HS3ST5: variants seen among roughly 807,000 people sequenced by gnomAD.
The protein encoded by HS3ST5 is heparan sulfate glucosamine 3-O-sulfotransferase 5.
HS3ST5 carries 10 observed loss-of-function variants against 25.4 expected under a neutral mutation model. The observed-to-expected ratio is 0.39, with a 90% confidence interval of 0.24 to 0.67. The LOEUF is 0.67. Among genes scored for constraint, HS3ST5 ranks in the 30% least tolerant of loss-of-function variants. HS3ST5 has a pLI of 0.44. For missense variants in HS3ST5, 324 were observed against 420.7 expected, an observed-to-expected ratio of 0.77 and a Z score of 2.01; for synonymous variants, 170 against 162.4, an observed-to-expected ratio of 1.05 and a Z score of -0.36.
chr6:114,236,199 G>A, intron 1 of HS3ST5, among the ~76,000 whole-genome samples: 1 of 152,088 alleles, frequency 6.6e-6, no homozygotes, highest in Non-Finnish European at 1.5e-5. Context: ...TTCTAAAAAA[G>A]TGCTCATTAA....
At chr6:114,328,288 G>C (rs1326030020) in intron 1 of HS3ST5, among the ~76,000 whole-genome samples, 2 of 152,020 alleles carry the variant, frequency 1.3e-5, no homozygotes, top group Non-Finnish European at 2.9e-5. Context: ...GGTAGCGATA[G>C]TGTCTTTAAT....
chr6:114,244,297 T>A (rs1772281042), intron 1 of HS3ST5, among the ~76,000 whole-genome samples: 1 of 152,156 alleles, frequency 6.6e-6, no homozygotes, highest in Admixed American at 6.5e-5. Context: ...TACAAATAAA[T>A]TTAATATGGA....
chr6:114,069,343 A>C (rs536576940), intron 3 of HS3ST5, among the ~76,000 whole-genome samples: 90 of 151,712 alleles, frequency 5.9e-4, no homozygotes, highest in Non-Finnish European at 9.4e-4. Context: ...CTGTAATATT[A>C]TCTTTTTTTT....
At chr6:114,164,261 CAAA>C (rs967051623) in intron 3 of HS3ST5, among the ~76,000 whole-genome samples, 3 of 152,124 alleles carry the variant, frequency 2.0e-5, no homozygotes, top group Admixed American at 2.0e-4. Context: ...TTACAGTTTA[CAAA>C]ATACCTTTGA....
chr6:114,341,222 G>GAGAGAGAGAGAGA (rs1776838943), intron 1 of HS3ST5, among the ~76,000 whole-genome samples: 23 of 46,634 alleles, frequency 4.9e-4, no homozygotes, highest in African/African-American at 2.7e-3. Context: ...GGAGAGAGGG[G>GAGAGAGAGAGAGA]GAGAGAGAGA....
chr6:114,117,576 C>T (rs1460689264), intron 3 of HS3ST5, among the ~76,000 whole-genome samples: 1 of 152,082 alleles, frequency 6.6e-6, no homozygotes, highest in Non-Finnish European at 1.5e-5. Context: ...TTACTCTAAC[C>T]CTAAACCCAA....
At chr6:114,068,012 T>C (rs1383390874) in intron 3 of HS3ST5, among the ~76,000 whole-genome samples, 1 of 152,190 alleles carries the variant, frequency 6.6e-6, no homozygotes, top group African/African-American at 2.4e-5. Flanking sequence ...CATTTGTGCA[T>C]TGTGCAAAAA....
intron 3 of HS3ST5, among the ~76,000 whole-genome samples, chr6:114,153,349 G>T (rs1274082588): frequency 6.6e-6 from 1 of 152,148 alleles, no homozygotes; most frequent in Non-Finnish European, 1.5e-5. Flanking sequence ...ATAGGTATAG[G>T]TGGAAATATT....
chr6:114,101,332 A>G (rs1775717638), intron 3 of HS3ST5, among the ~76,000 whole-genome samples: 1 of 152,176 alleles, frequency 6.6e-6, no homozygotes, highest in South Asian at 2.1e-4. Context: ...TTCCTATATG[A>G]TATTGCATTA....
intron 3 of HS3ST5, among the ~76,000 whole-genome samples, chr6:114,153,048 C>T (rs1437044841): frequency 6.6e-6 from 1 of 152,176 alleles, no homozygotes; most frequent in Non-Finnish European, 1.5e-5. Flanking sequence ...GATCCCCACC[C>T]AATGGTTGAG....
At chr6:114,297,360 A>C (rs182802430) in intron 1 of HS3ST5, among the ~76,000 whole-genome samples, 56 of 152,260 alleles carry the variant, frequency 3.7e-4, no homozygotes, top group Non-Finnish European at 6.6e-4. Flanking sequence ...GCCATTTCGG[A>C]TACGCAGGGA....
At chr6:114,300,621 T>C (rs1311915017) in intron 1 of HS3ST5, among the ~76,000 whole-genome samples, 1 of 152,030 alleles carries the variant, frequency 6.6e-6, no homozygotes, top group Admixed American at 6.6e-5. Flanking sequence ...AAACATAGGG[T>C]TGCCATATGA....
At chr6:114,104,902 A>G (rs891303519) in intron 3 of HS3ST5, among the ~76,000 whole-genome samples, 1 of 152,184 alleles carries the variant, frequency 6.6e-6, no homozygotes, top group Non-Finnish European at 1.5e-5. Context: ...ATTTTGAAGC[A>G]GGTACCTGTG....
chr6:114,318,495 T>C (rs917989262), intron 1 of HS3ST5, among the ~76,000 whole-genome samples: 1 of 152,176 alleles, frequency 6.6e-6, no homozygotes, highest in African/African-American at 2.4e-5. Context: ...AAAATTATAA[T>C]AGTAAAATAT....
rs190129257 is a variant in HS3ST5, at chr6:114,291,053, C to T, written c.-339+51142G>A. On this transcript the variant is annotated intron_variant, in intron 1 of 4. Transcript: ENST00000312719. ...GGTACACCAGGTACTCTTTCTGTCC[C>T]CTGTCAAATGGGCTCTCATTCTCAG... Among the ~76,000 whole-genome samples the T allele has an allele frequency of 3.9e-5, 6 of 152,114 alleles. No individual in the cohort carries two copies. The East Asian group carries it at 1.2e-3, about 30-fold the overall frequency.
intron 3 of HS3ST5, among the ~76,000 whole-genome samples, chr6:114,129,868 T>C (rs984852146): frequency 2.0e-5 from 3 of 152,222 alleles, no homozygotes; most frequent in African/African-American, 7.2e-5. Flanking sequence ...TAAAGGTTCA[T>C]ATTATTAGAT....
At chr6:114,067,361 T>C (rs1215502757) in intron 3 of HS3ST5, among the ~76,000 whole-genome samples, 1 of 152,180 alleles carries the variant, frequency 6.6e-6, no homozygotes, top group East Asian at 1.9e-4. Context: ...TTAAACTGTT[T>C]AAGTTTAGCA....
intron 3 of HS3ST5, chr6:114,084,527 T>C: frequency 1.3e-6 from 1 of 758,868 alleles, no homozygotes; most frequent in Admixed American, 1.7e-5. Flanking sequence ...CGAGCCGGCG[T>C]CCACCGCATC....
At chr6:114,193,250 A>G (rs1301650111) in intron 2 of HS3ST5, among the ~76,000 whole-genome samples, 2 of 152,184 alleles carry the variant, frequency 1.3e-5, no homozygotes, top group Non-Finnish European at 2.9e-5. Context: ...AGACAGACAG[A>G]CACACACACA....
Sources: gnomAD v4.1 joint callset for allele counts (sites outside exome capture counted in the v4.1 genomes callset) on GRCh38, gnomAD v4.1.1 for gene constraint, MANE v1.5 for transcripts, NCBI Gene and HGNC (gene_info 2026-07-23, HGNC 2026-07-21) for gene names.